Variants in MTCL2 observed in about 807,000 individuals in gnomAD.
The protein encoded by MTCL2 is microtubule crosslinking factor 2, also known as microtubule cross-linking factor 2.
At chr20:36,840,421 G>A in the MTCL2 span, among the ~76,000 whole-genome samples, 3 of 151,604 alleles carry the variant, frequency 2.0e-5, no homozygotes, top group South Asian at 6.2e-4. Context: ...GCCTGCCTCG[G>A]CCTCCCAAAT....
the MTCL2 span, chr20:36,810,012 C>T: frequency 1.9e-6 from 3 of 1,601,608 alleles, no homozygotes; most frequent in Non-Finnish European, 2.6e-6. Context: ...AATTGTCGGC[C>T]TCCTCCTTTC....
At chr20:36,786,345 G>C in the MTCL2 span, 1 of 1,336,024 alleles carries the variant, frequency 7.5e-7, no homozygotes, top group Non-Finnish European at 9.6e-7. Context: ...GCTGCATTCT[G>C]GCAGTGGCAT....
chr20:36,816,420 C>G, the MTCL2 span: 1 of 894,546 alleles, frequency 1.1e-6, no homozygotes, highest in African/African-American at 1.7e-5. Flanking sequence ...GAATCAGACA[C>G]AGCCAGACCC....
At chr20:36,804,405 G>A in the MTCL2 span, among the ~76,000 whole-genome samples, 1 of 152,320 alleles carries the variant, frequency 6.6e-6, no homozygotes, top group Admixed American at 6.5e-5. Flanking sequence ...GCAAAATAGA[G>A]CCAGGCAGTT....
the MTCL2 span, chr20:36,793,356 C>T: frequency 1.3e-6 from 2 of 1,551,656 alleles, no homozygotes; most frequent in African/African-American, 1.4e-5. The surrounding 1 kb of genome is among the most constrained non-coding windows in gnomAD (Gnocchi z 6.8). Flanking sequence ...AACTTGGCTG[C>T]CTTCTTGTTC....
At chr20:36,796,104 T>G in the MTCL2 span, among the ~76,000 whole-genome samples, 1 of 152,230 alleles carries the variant, frequency 6.6e-6, no homozygotes, top group African/African-American at 2.4e-5. Flanking sequence ...ACTTAAATCT[T>G]TGTCTCAGGG....
chr20:36,853,988 C>T, the MTCL2 span, among the ~76,000 whole-genome samples: 1 of 152,188 alleles, frequency 6.6e-6, no homozygotes, highest in Non-Finnish European at 1.5e-5. Context: ...CTCTGGGTTG[C>T]AGCGAAATCT....
the MTCL2 span, among the ~76,000 whole-genome samples, chr20:36,838,729 A>G: frequency 6.6e-6 from 1 of 152,180 alleles, no homozygotes; most frequent in East Asian, 1.9e-4. Flanking sequence ...GCACTTTGGG[A>G]GGCCAAGGTG....
chr20:36,787,351 C>A, the MTCL2 span, among the ~76,000 whole-genome samples: 1 of 151,998 alleles, frequency 6.6e-6, no homozygotes, highest in Non-Finnish European at 1.5e-5. Context: ...CCTCAGCCTC[C>A]CAAGTAGCTA....
At chr20:36,850,978 A>G in the MTCL2 span, among the ~76,000 whole-genome samples, 288 of 152,248 alleles carry the variant, frequency 1.9e-3, 1 homozygote, top group Non-Finnish European at 3.4e-3. Flanking sequence ...ACACTGTATG[A>G]GTCTGTTTTT....
chr20:36,815,357 A>G, the MTCL2 span: 27 of 1,613,652 alleles, frequency 1.7e-5, no homozygotes, highest in Non-Finnish European at 2.2e-5. The surrounding 1 kb of genome is among the most constrained non-coding windows in gnomAD (Gnocchi z 5.3). Flanking sequence ...CGGGGGCCTC[A>G]TGCAGCCGGA....
the MTCL2 span, among the ~76,000 whole-genome samples, chr20:36,862,007 G>A: frequency 6.6e-6 from 1 of 152,216 alleles, no homozygotes; most frequent in Non-Finnish European, 1.5e-5. Flanking sequence ...CCCAGGGAGG[G>A]CAAAAGACAC....
the MTCL2 span, among the ~76,000 whole-genome samples, chr20:36,804,273 A>T: frequency 6.6e-6 from 1 of 152,126 alleles, no homozygotes; most frequent in Non-Finnish European, 1.5e-5. Flanking sequence ...TTCAGGCCAA[A>T]GGAGGCAGCA....
the MTCL2 span, chr20:36,839,507 C>A: frequency 6.7e-7 from 1 of 1,482,856 alleles, no homozygotes. This position sits in a 1 kb window ranked among gnomAD's most constrained non-coding sequence, Gnocchi z 5.1. Context: ...GGAGTACTGG[C>A]CACACCTAGG....
the MTCL2 span, chr20:36,784,628 G>A: frequency 1.0e-6 from 1 of 985,496 alleles, no homozygotes; most frequent in Non-Finnish European, 1.2e-6. Flanking sequence ...AACCAAAAGG[G>A]GTTCACCGGC....
At chr20:36,810,216 C>A in the MTCL2 span, 1 of 1,326,232 alleles carries the variant, frequency 7.5e-7, no homozygotes, top group South Asian at 1.4e-5. Context: ...GGATGTTGGA[C>A]CCAAGCTGTC....
the MTCL2 span, among the ~76,000 whole-genome samples, chr20:36,833,355 C>T: frequency 2.0e-5 from 3 of 152,246 alleles, no homozygotes; most frequent in African/African-American, 4.8e-5. Context: ...GCGGCAGCTG[C>T]GGCTTCCGAA....
At chr20:36,817,297 A>G in the MTCL2 span, 1 of 954,694 alleles carries the variant, frequency 1.0e-6, no homozygotes, top group Admixed American at 2.9e-5. Context: ...AAAGAAAAAA[A>G]GGAAAATGAG....
At chr20:36,842,964 G>GTCTT in the MTCL2 span, among the ~76,000 whole-genome samples, 1 of 152,088 alleles carries the variant, frequency 6.6e-6, no homozygotes, top group Non-Finnish European at 1.5e-5. Context: ...CTCCCTACCC[G>GTCTT]TCTTTCCCCA....
Sources: allele counts gnomAD v4.1 joint callset (sites outside exome capture counted in the v4.1 genomes callset), GRCh38; gene constraint gnomAD v4.1.1; non-coding constraint Gnocchi (gnomAD v3.1); transcripts MANE v1.5; gene names NCBI Gene and HGNC (gene_info 2026-07-23, HGNC 2026-07-21).